ABHD5: variants seen among roughly 807,000 people sequenced by gnomAD.
The protein encoded by ABHD5 is 1-acylglycerol-3-phosphate O-acyltransferase ABHD5.
ABHD5 carries 30 observed loss-of-function variants against 44.9 expected under a neutral mutation model. That is an observed-to-expected ratio of 0.67 (90% CI 0.50 to 0.91). The LOEUF (loss-of-function observed/expected upper bound fraction) is 0.91, where lower values mean the gene tolerates loss of function less well. Among genes scored for constraint, ABHD5 ranks in the 40% least tolerant of loss-of-function variants. The pLI is 0.00. For synonymous variants in ABHD5, 167 were observed against 147.0 expected, an observed-to-expected ratio of 1.14 and a Z score of -0.99; for missense variants, 399 against 423.4, an observed-to-expected ratio of 0.94 and a Z score of 0.50.
At chr3:43,725,451 G>T (rs9784272), downstream of ABHD5, among the ~76,000 whole-genome samples, 13,046 of 152,216 alleles carry the variant, frequency 0.086, 771 homozygotes, top group South Asian at 0.21. Flanking sequence ...ATTTAAAACA[G>T]TCTTACCAAG....
At chr3:43,704,446 A>C (rs2084589903) in intron 3 of ABHD5, among the ~76,000 whole-genome samples, 1 of 152,190 alleles carries the variant, frequency 6.6e-6, no homozygotes, top group South Asian at 2.1e-4. Context: ...CAACAGGGCT[A>C]TTTGTGGGAG....
intron 3 of ABHD5, among the ~76,000 whole-genome samples, chr3:43,703,896 T>C (rs1379840173): frequency 1.3e-5 from 2 of 152,186 alleles, no homozygotes. Flanking sequence ...CTTTAGCATT[T>C]ACACCTGATT....
chr3:43,733,855 AT>A (rs1434208759), intron 7 of ABHD5: 2 of 152,196 alleles, frequency 1.3e-5, no homozygotes, highest in Non-Finnish European at 2.9e-5. Context: ...GAATTGATTC[AT>A]TAACACTGTT....
At chr3:43,711,539 C>A (rs1175336496) in intron 3 of ABHD5, among the ~76,000 whole-genome samples, 170 bp from the exon 4 acceptor site, 1 of 152,170 alleles carries the variant, frequency 6.6e-6, no homozygotes, top group African/African-American at 2.4e-5. Flanking sequence ...TACTGAATCT[C>A]AAAAGTTTAC....
Position 43,718,706 on chromosome 3 carries a change from TCTAG to T in ABHD5, c.*175_*178del, listed in dbSNP as rs2084799429. ...CACACATTTAAACCAGTTAGTGCCT[TCTAG>T]AAGAATGGCTTTCCTTTCTCCTACA... On this transcript the variant is annotated 3_prime_UTR_variant, in exon 7 of 7. Transcript: ENST00000644371. 1.6e-6 allele frequency: 1 copy of T among 636,734 alleles called. No individual in the cohort carries two copies. The allele number at this position is 636,734 out of a possible 1,614,324, so 39.4% of individuals were successfully genotyped here.
downstream of ABHD5, chr3:43,722,811 G>A (rs1467504655): frequency 6.6e-6 from 1 of 152,120 alleles, no homozygotes; most frequent in African/African-American, 2.4e-5. Flanking sequence ...TTGTGTCATT[G>A]GAATCAAGAG....
Position 43,718,460 on chromosome 3 carries a change from A to T in ABHD5, c.978A>T (p.Gly326=), listed in dbSNP as rs1372756332. The T allele has an allele frequency of 1.9e-6, 3 of 1,614,146 alleles. No homozygotes were observed. The East Asian group carries it at 6.7e-5, about 36-fold the overall frequency. The part of the protein sequence containing the change: ...YVKTIAILGA[G]HYVYADQPEE... ...TTATCCAGGCTATTCTTGGGGCAGG[A>T]CATTATGTATATGCAGATCAACCAG... Residue 326 remains glycine, a synonymous_variant, in exon 7 of 7, where the codon GGA becomes GGT. Coordinates refer to ENST00000644371, the MANE Select transcript of ABHD5 (RefSeq NM_016006.6).
intron 7 of ABHD5, among the ~76,000 whole-genome samples, chr3:43,728,116 T>G (rs2084889960): frequency 6.6e-6 from 1 of 152,180 alleles, no homozygotes. Context: ...GTTGGCCCAT[T>G]GTTCCTGAGG....
At chr3:43,730,575 A>G (rs2084906737) in intron 7 of ABHD5, among the ~76,000 whole-genome samples, 1 of 142,050 alleles carries the variant, frequency 7.0e-6, no homozygotes, top group Admixed American at 7.6e-5. Flanking sequence ...GTGCGATCAA[A>G]GCTCACTGCA....
rs776320645 is a variant in ABHD5, at chr3:43,690,961, A to C, written c.-32A>C. 6.4e-7 allele frequency: 1 copy of C among 1,557,224 alleles called. No homozygotes were observed. Among genetic ancestry groups the C allele is most frequent in the Non-Finnish European group, 8.6e-7 (1 of 1,156,246 alleles). On this transcript the variant is annotated 5_prime_UTR_variant, in exon 1 of 7. Coordinates refer to ENST00000644371, the MANE Select transcript of ABHD5 (RefSeq NM_016006.6). ...CCAGTCGGCCTGTCAGCCGGCTTCG[A>C]GATAAGTCCCGGCGCTTGCGCGGCG...
intron 5 of ABHD5, among the ~76,000 whole-genome samples, chr3:43,716,498 T>C (rs1223554647): frequency 2.0e-5 from 3 of 152,120 alleles, no homozygotes; most frequent in Admixed American, 2.0e-4. Context: ...GCAGAAAATA[T>C]GTACACCTAC....
In ABHD5 at chr3:43,690,950, A is replaced by G; in HGVS notation, c.-43A>G. The G allele has an allele frequency of 6.5e-7, 1 of 1,546,752 alleles. No individual in the cohort carries two copies. The highest frequency in any genetic ancestry group is 8.7e-7 in the Non-Finnish European group (1 of 1,151,854). Reference sequence around the variant, plus strand: ...CCCGGGGCGGCCCAGTCGGCCTGTCAGCCGGCTTCGAGATAAGTCCCGGCG... The same window carrying G: ...CCCGGGGCGGCCCAGTCGGCCTGTCGGCCGGCTTCGAGATAAGTCCCGGCG... On this transcript the variant is annotated 5_prime_UTR_variant, in exon 1 of 7. Transcript: ENST00000644371.
At chr3:43,692,666 G>A (rs2149589650) in intron 1 of ABHD5, among the ~76,000 whole-genome samples, 1 of 152,298 alleles carries the variant, frequency 6.6e-6, no homozygotes, top group Non-Finnish European at 1.5e-5. Flanking sequence ...CTGTGTGCTG[G>A]GTATTATTGT....
Position 43,710,819 on chromosome 3 carries a change from T to G in ABHD5, c.507-890T>G, listed in dbSNP as rs142507308. On this transcript the variant is annotated intron_variant, in intron 3 of 6. Transcript: ENST00000644371. ...CTGGCTTGGTTACAGTTGAACATTG[T>G]ATTGTATCAGAAGGATCTTTGTACT... 3.5e-3 allele frequency among the ~76,000 whole-genome samples: 530 copies of G among 152,342 alleles called. 2 individuals carry two copies. Among genetic ancestry groups the G allele is most frequent in the African/African-American group, 0.012 (490 of 41,582 alleles).
intron 3 of ABHD5, among the ~76,000 whole-genome samples, chr3:43,709,827 G>A (rs1393292299): frequency 6.6e-6 from 1 of 152,108 alleles, no homozygotes; most frequent in African/African-American, 2.4e-5. Flanking sequence ...GGCAGATCAC[G>A]AGGTCAGGAG....
intron 3 of ABHD5, among the ~76,000 whole-genome samples, chr3:43,705,544 T>C (rs2084607941): frequency 6.6e-6 from 1 of 152,232 alleles, no homozygotes; most frequent in Non-Finnish European, 1.5e-5. Context: ...CTTTAGTTAG[T>C]TTAGAAGTGT....
chr3:43,707,783 C>T (rs1269661863), intron 3 of ABHD5: 1 of 152,228 alleles, frequency 6.6e-6, no homozygotes, highest in African/African-American at 2.4e-5. Context: ...TGTGCACCAC[C>T]ATGTCTGGCT....
chr3:43,716,239 T>G (rs1471780522), intron 5 of ABHD5, among the ~76,000 whole-genome samples: 1 of 152,104 alleles, frequency 6.6e-6, no homozygotes, highest in Non-Finnish European at 1.5e-5. Flanking sequence ...CATGCTATGT[T>G]GTGTACTGGA....
At position 43,721,028 on chromosome 3, in the gene ABHD5, T is replaced by A. The variant is rs2084829595; in HGVS notation, c.*2496T>A. 6.6e-6 allele frequency: 1 copy of A among 152,020 alleles called. No individual in the cohort carries two copies. Among genetic ancestry groups the A allele is most frequent in the African/African-American group, 2.4e-5 (1 of 41,408 alleles). 9.4% of individuals were successfully genotyped at this position (152,020 alleles called of 1,614,324 possible). A position where few individuals can be genotyped will look rare whatever the true frequency, so the allele number is the denominator to read the frequency against. On this transcript the variant is annotated 3_prime_UTR_variant, in exon 7 of 7. Coordinates refer to ENST00000644371, the MANE Select transcript of ABHD5 (RefSeq NM_016006.6). The stretch of plus-strand genomic sequence containing the variant: ...TTATACTTAAAGGGCCATACGCGAT[T>A]TCAATAAAACAAGAAGTACTGGAAA...
Sources: gnomAD v4.1 joint callset for allele counts (sites outside exome capture counted in the v4.1 genomes callset) on GRCh38, gnomAD v4.1.1 for gene constraint, MANE v1.5 for transcripts, NCBI Gene and HGNC (gene_info 2026-07-23, HGNC 2026-07-21) for gene names.